SPTA1: variants seen among roughly 807,000 people sequenced by gnomAD.
SPTA1 encodes the protein spectrin alpha, erythrocytic 1.
In SPTA1, 177 loss-of-function variants were observed where a neutral mutation model predicts 324.7. That is an observed-to-expected ratio of 0.55 (90% CI 0.48 to 0.62). SPTA1 has a LOEUF of 0.62. SPTA1 is among the 20% of genes least tolerant of loss of function. SPTA1 has a pLI of 0.00. For missense variants in SPTA1, 3,162 were observed against 2,883.6 expected (o/e 1.10, Z -2.21); for synonymous variants, 1,195 against 1,041.3 (o/e 1.15, Z -2.84).
In SPTA1 at chr1:158,634,672, T is replaced by A; in HGVS notation, c.5436A>T (p.Gly1812=). The part of the protein sequence containing the change: ...EKLKELAKAR[G]LKLEESLEYL... ...ATTCTAGGGATTCTTCCAACTTAAG[T>A]CCTCTATAACAAGGTGGCAAGCCCC... is the stretch of plus-strand genomic sequence containing the variant. The change falls in exon 39 of 52, where the codon GGA becomes GGT. Residue 1812 remains glycine, a synonymous_variant. Transcript: ENST00000643759. 1 of 1,614,064 alleles carries A rather than the reference T, an allele frequency of 6.2e-7. No individual in the cohort carries two copies. The highest frequency in any genetic ancestry group is 8.5e-7 in the Non-Finnish European group (1 of 1,180,018).
chr1:158,625,346 A>G (rs1321236276), intron 42 of SPTA1, among the ~76,000 whole-genome samples: 1 of 152,182 alleles, frequency 6.6e-6, no homozygotes, highest in Non-Finnish European at 1.5e-5. Flanking sequence ...TCGAAATGTC[A>G]ACACATCTTT....
rs1410607944 is a variant in SPTA1 at position 158,674,708 on chromosome 1, A to C, written c.1113-33T>G. 8.7e-6 allele frequency: 14 copies of C among 1,611,772 alleles called. No homozygotes were observed. The South Asian group carries it at 1.5e-4, about 18-fold the overall frequency. ...AAAAGTGAGGTAAAAGACAGGAAGGAGAAACCAGATATGAAAGGACATTGA... is the reference window on the plus strand; with the variant it reads ...AAAAGTGAGGTAAAAGACAGGAAGGCGAAACCAGATATGAAAGGACATTGA... On this transcript the variant is annotated intron_variant, in intron 8 of 51. Coordinates refer to ENST00000643759, the MANE Select transcript of SPTA1 (RefSeq NM_003126.4).
rs528651030 is a variant in SPTA1, at chr1:158,640,983, A to G, written c.4738-976T>C. Among the ~76,000 whole-genome samples the G allele has an allele frequency of 2.0e-5, 3 of 152,338 alleles. No homozygotes were observed. In the East Asian group the frequency reaches 5.8e-4, roughly 29 times the overall value. On this transcript the variant is annotated intron_variant, in intron 33 of 51. Transcript: ENST00000643759. The stretch of plus-strand genomic sequence containing the variant: ...GAGATATAGACCAACGGAACAGAAC[A>G]GAGCCCTCAGAAATAATGCTGCTTA...
chr1:158,674,849 G>A (rs1654292825), intron 8 of SPTA1, among the ~76,000 whole-genome samples, 174 bp from the exon 9 acceptor site: 1 of 152,092 alleles, frequency 6.6e-6, no homozygotes, highest in South Asian at 2.1e-4. Context: ...AGTGGTGCAG[G>A]TTGTAAGTCC....
chr1:158,644,679 C>T (rs776531217), intron 29 of SPTA1, among the ~76,000 whole-genome samples: 5 of 152,146 alleles, frequency 3.3e-5, no homozygotes, highest in African/African-American at 7.2e-5. Flanking sequence ...CTTTGTGAAA[C>T]GTTATCCTTC....
At chr1:158,614,337 C>T in intron 48 of SPTA1, 31 bp from the exon 49 acceptor site, 1 of 1,478,508 alleles carries the variant, frequency 6.8e-7, no homozygotes. Flanking sequence ...ATGAATTTTC[C>T]CTGTATATGA....
chr1:158,667,832 CT>C (rs773579072), intron 15 of SPTA1, 25 bp downstream of exon 15: 1 of 1,611,242 alleles, frequency 6.2e-7, no homozygotes, highest in Admixed American at 1.7e-5. Context: ...AGAAAATGAC[CT>C]TTCACCAAAA....
At chr1:158,639,323 A>C in intron 35 of SPTA1, 1 of 505,444 alleles carries the variant, frequency 2.0e-6, no homozygotes, top group South Asian at 2.1e-5. Context: ...TGTATGCATC[A>C]GTAAAAGATA....
intron 24 of SPTA1, among the ~76,000 whole-genome samples, chr1:158,651,146 G>A (rs1652397984): frequency 6.6e-6 from 1 of 152,184 alleles, no homozygotes; most frequent in South Asian, 2.1e-4. Flanking sequence ...CTCAATATAT[G>A]TTAACAAATG....
intron 17 of SPTA1, 55 bp downstream of exon 17, chr1:158,662,647 A>T (rs1465273224): frequency 6.2e-7 from 1 of 1,611,670 alleles, no homozygotes; most frequent in African/African-American, 1.3e-5. Flanking sequence ...GATCTCTCTC[A>T]ATATATAGAC....
chr1:158,655,632 T>C (rs573813663), intron 20 of SPTA1, among the ~76,000 whole-genome samples: 1 of 152,350 alleles, frequency 6.6e-6, no homozygotes, highest in South Asian at 2.1e-4. Context: ...AGACTGAGTC[T>C]ACGTCTTTTG....
Position 158,659,606 on chromosome 1 carries a change from T to TTTTTTTTA in SPTA1, c.2587+1680_2587+1681insTAAAAAAA, listed in dbSNP as rs1553232615. ...ATAGTCTTAGCATTATTTTTTTTTTTTTTTTTTTTTTTTTTGAGACGGAGT... is the reference window on the plus strand; with the variant it reads ...ATAGTCTTAGCATTATTTTTTTTTTTTTTTTTTATTTTTTTTTTTTTTTGAGACGGAGT... On this transcript the variant is annotated intron_variant, in intron 18 of 51. Coordinates refer to ENST00000643759, the MANE Select transcript of SPTA1 (RefSeq NM_003126.4). 9.2e-5 allele frequency among the ~76,000 whole-genome samples: 3 copies of TTTTTTTTA among 32,626 alleles called. 1 individual carries two copies. Among genetic ancestry groups the TTTTTTTTA allele is most frequent in the Admixed American group, 7.1e-4 (2 of 2,836 alleles). 21.4% of individuals were successfully genotyped at this position (32,626 alleles called of 152,430 possible).
chr1:158,636,254 A>G (rs1651061570), intron 37 of SPTA1, among the ~76,000 whole-genome samples: 1 of 152,198 alleles, frequency 6.6e-6, no homozygotes, highest in South Asian at 2.1e-4. Context: ...CAGTACTTGC[A>G]CTAGTCTACT....
At position 158,647,666 on chromosome 1, in the gene SPTA1, T is replaced by C; in HGVS notation, c.3769A>G (p.Thr1257Ala). ...ERLSESHPDA[T>A]EDLQRQKMEL... Reference sequence around the variant, plus strand: ...ATTTTCTGTCTCTGCAGGTCCTCAGTGGCATCTGGATGGGACTCACTGAGC... The same window carrying C: ...ATTTTCTGTCTCTGCAGGTCCTCAGCGGCATCTGGATGGGACTCACTGAGC... The change falls in exon 27 of 52, where the codon ACT becomes GCT. Residue 1257 changes from threonine (T) to alanine (A), a missense_variant. Thr to Ala is a moderately conservative substitution (Grantham distance 58). Coordinates refer to ENST00000643759, the MANE Select transcript of SPTA1 (RefSeq NM_003126.4). The C allele has an allele frequency of 6.2e-7, 1 of 1,613,956 alleles. No individual in the cohort carries two copies. The highest frequency in any genetic ancestry group is 8.5e-7 in the Non-Finnish European group (1 of 1,179,924).
intron 43 of SPTA1, 48 bp downstream of exon 43, chr1:158,622,935 A>G: frequency 6.7e-7 from 1 of 1,482,562 alleles, no homozygotes; most frequent in Non-Finnish European, 9.4e-7. Context: ...TTTCATGGCT[A>G]ATATACAGGT....
In SPTA1 at chr1:158,640,164, G is replaced by A. The variant is rs74402483; in HGVS notation, c.4738-157C>T. ...TTTCAAACCAGTTATACTTAATCTG[G>A]GAAAACAATAGGAGTTGTTGGACAA... On this transcript the variant is annotated intron_variant, in intron 33 of 51. Coordinates refer to ENST00000643759, the MANE Select transcript of SPTA1 (RefSeq NM_003126.4). Among the ~76,000 whole-genome samples the A allele has an allele frequency of 4.8e-4, 73 of 152,184 alleles. No homozygotes were observed. In the East Asian group the frequency reaches 0.013, roughly 28 times the overall value.
chr1:158,614,136 T>C (rs1649415882), intron 49 of SPTA1, 117 bp downstream of exon 49: 2 of 898,568 alleles, frequency 2.2e-6, no homozygotes, highest in African/African-American at 1.7e-5. Flanking sequence ...AATGAGCATA[T>C]CTAGATCTTC....
chr1:158,682,330 A>T (rs1288497144), intron 3 of SPTA1, among the ~76,000 whole-genome samples: 1 of 152,168 alleles, frequency 6.6e-6, no homozygotes, highest in Non-Finnish European at 1.5e-5. Context: ...ATATGTCGTT[A>T]AACCCCGCAA....
At chr1:158,643,025 G>A (rs1192198806) in intron 31 of SPTA1, 49 bp from the exon 32 acceptor site, 1 of 1,608,332 alleles carries the variant, frequency 6.2e-7, no homozygotes, top group Non-Finnish European at 8.5e-7. Context: ...CCCTTCCCAT[G>A]CTCTGATGCC....
Sources: gnomAD v4.1 joint callset for allele counts (sites outside exome capture counted in the v4.1 genomes callset) on GRCh38, gnomAD v4.1.1 for gene constraint, MANE v1.5 for transcripts, NCBI Gene and HGNC (gene_info 2026-07-23, HGNC 2026-07-21) for gene names.